The following SLC7A6 variants were observed in gnomAD, a reference collection of about 807,000 sequenced individuals.
The protein encoded by SLC7A6 is solute carrier family 7 member 6.
In SLC7A6, 29 loss-of-function variants were observed where a neutral mutation model predicts 46.6. The observed-to-expected ratio is 0.62, with a 90% confidence interval of 0.46 to 0.85. SLC7A6 has a LOEUF of 0.85. Ranked by LOEUF, SLC7A6 falls within the 40% of genes least tolerant of loss-of-function variation. SLC7A6 has a pLI of 0.00. For synonymous variants in SLC7A6, 276 were observed against 257.3 expected (o/e 1.07, Z -0.70); for missense variants, 527 against 647.6 (o/e 0.81, Z 2.02).
rs140250756 is a variant in SLC7A6, at chr16:68,275,155, C to T, written c.429C>T (p.Ile143=). The T allele has an allele frequency of 2.5e-4, 399 of 1,614,094 alleles. No homozygotes were observed. Among genetic ancestry groups the T allele is most frequent in the Non-Finnish European group, 3.1e-4 (366 of 1,180,024 alleles). The part of the protein sequence containing the change: ...LVVEPTGQAI[I]AITFANYIIQ... The stretch of plus-strand genomic sequence containing the variant: ...TTGAGCCCACCGGTCAGGCCATCAT[C>T]GCCATCACCTTTGCCAACTACATCA... Residue 143 remains isoleucine (I), a synonymous_variant, in exon 3 of 11, where the codon ATC becomes ATT. Coordinates refer to ENST00000219343, the MANE Select transcript of SLC7A6 (RefSeq NM_003983.6).
chr16:68,293,298 CTTGTAG>C (rs1330006825), intron 7 of SLC7A6, among the ~76,000 whole-genome samples: 3 of 152,178 alleles, frequency 2.0e-5, no homozygotes, highest in Admixed American at 1.3e-4. Context: ...GTGGCACGTG[CTTGTAG>C]TCCCAGCCGC....
chr16:68,291,032 G>C (rs1030760497), intron 5 of SLC7A6, 177 bp from the exon 6 acceptor site: 1 of 706,716 alleles, frequency 1.4e-6, no homozygotes, highest in African/African-American at 1.8e-5. Flanking sequence ...TCTTCACAGA[G>C]AAAGTTGGGT....
At chr16:68,291,445 C>T (rs1354435626) in intron 6 of SLC7A6, 113 bp downstream of exon 6, 1 of 1,579,070 alleles carries the variant, frequency 6.3e-7, no homozygotes, top group Non-Finnish European at 8.7e-7. Context: ...GGTCATGAGT[C>T]TAGGCCAGAG....
intron 3 of SLC7A6, among the ~76,000 whole-genome samples, chr16:68,281,493 ACT>A (rs1228206142): frequency 2.6e-5 from 4 of 151,974 alleles, no homozygotes; most frequent in South Asian, 2.1e-4. Context: ...AGGTTGAGAA[ACT>A]CTGTCTTAAG....
rs1181854456 is a variant in SLC7A6, at chr16:68,275,136, C to A, written c.410C>A (p.Pro137His). 1 of 1,613,992 alleles carries A rather than the reference C, an allele frequency of 6.2e-7. No individual in the cohort carries two copies. Among genetic ancestry groups the A allele is most frequent in the Non-Finnish European group, 8.5e-7 (1 of 1,180,044 alleles). ...TGGGTCTCACTGCTAGTTGTTGAGC[C>A]CACCGGTCAGGCCATCATCGCCATC... ...RLWVSLLVVE[P>H]TGQAIIAITF... is the part of the protein sequence containing the mutation. Residue 137 changes from proline (P) to histidine (H), a missense_variant, in exon 3 of 11, where the codon CCC becomes CAC. Physicochemically the swap from Pro to His is moderately conservative, Grantham distance 77. Coordinates refer to ENST00000219343, the MANE Select transcript of SLC7A6 (RefSeq NM_003983.6).
rs141038680 is a variant in SLC7A6, at chr16:68,294,451, G to A, written c.1023-254G>A. 6.2e-4 allele frequency among the ~76,000 whole-genome samples: 95 copies of A among 152,214 alleles called. No homozygotes were observed. In the East Asian group the frequency reaches 0.017, roughly 28 times the overall value. On this transcript the variant is annotated intron_variant, in intron 7 of 10. Transcript: ENST00000219343. The stretch of plus-strand genomic sequence containing the variant: ...GAGGTATCTGTGGCTGAGAGAAGAG[G>A]GGGTATCTGGGTGATGGTGGGTGGG...
chr16:68,272,742 C>T (rs906533190), intron 2 of SLC7A6, among the ~76,000 whole-genome samples: 6 of 152,188 alleles, frequency 3.9e-5, no homozygotes, highest in African/African-American at 1.2e-4. Flanking sequence ...AATCCCTCCT[C>T]CCAGCTAGAG....
intron 4 of SLC7A6, 145 bp from the exon 5 acceptor site, chr16:68,290,251 C>A: frequency 1.4e-6 from 1 of 711,696 alleles, no homozygotes. Flanking sequence ...CTTTCTTGTT[C>A]CTCCCCATTC....
Position 68,300,574 on chromosome 16 carries a change from T to C in SLC7A6, c.*3246T>C, listed in dbSNP as rs2043252937. ...TTCTATTTCACTACCGCTCCCTGTT[T>C]TAGATATTCAGATTTAAAAGGTTTT... On this transcript the variant is annotated 3_prime_UTR_variant, in exon 11 of 11. Transcript: ENST00000219343. 1.0e-6 allele frequency: 1 copy of C among 967,234 alleles called. No homozygotes were observed. The allele number at this position is 967,234 out of a possible 1,614,324, so 59.9% of individuals were successfully genotyped here. A position where few individuals can be genotyped will look rare whatever the true frequency, so the allele number is the denominator to read the frequency against.
intron 3 of SLC7A6, among the ~76,000 whole-genome samples, chr16:68,286,147 C>T (rs1302839459): frequency 1.3e-5 from 2 of 149,920 alleles, no homozygotes; most frequent in Non-Finnish European, 3.0e-5. Flanking sequence ...TGATATACTG[C>T]TGTTACCTTC....
At chr16:68,284,699 C>T in intron 3 of SLC7A6, 1 of 971,140 alleles carries the variant, frequency 1.0e-6, no homozygotes, top group Non-Finnish European at 1.2e-6. Flanking sequence ...CTTGGAGCTG[C>T]AAACCAGAAG....
chr16:68,296,869 G>A (rs2043180387), intron 10 of SLC7A6, 59 bp downstream of exon 10: 13 of 1,569,294 alleles, frequency 8.3e-6, no homozygotes, highest in Admixed American at 1.8e-5. Flanking sequence ...GCATGCAGAG[G>A]TGGGGGGTGG....
At chr16:68,294,281 A>G (rs2043117577) in intron 7 of SLC7A6, among the ~76,000 whole-genome samples, 2 of 152,226 alleles carry the variant, frequency 1.3e-5, no homozygotes, top group Admixed American at 1.3e-4. Context: ...GTCTTGCCTT[A>G]CATCAGCTCA....
At chr16:68,271,953 C>T (rs1211863232) in intron 2 of SLC7A6, among the ~76,000 whole-genome samples, 1 of 152,138 alleles carries the variant, frequency 6.6e-6, no homozygotes, top group Non-Finnish European at 1.5e-5. Context: ...AAGTGCATGC[C>T]ACCACGCCCA....
chr16:68,275,393 C>T (rs868171553), intron 3 of SLC7A6, 144 bp downstream of exon 3: 43 of 961,442 alleles, frequency 4.5e-5, no homozygotes, highest in Non-Finnish European at 5.3e-5. Context: ...GTTGGGAGTT[C>T]GAGACCAGCC....
At chr16:68,269,033 A>C (rs1001977625) in intron 2 of SLC7A6, among the ~76,000 whole-genome samples, 5 of 152,026 alleles carry the variant, frequency 3.3e-5, no homozygotes, top group Admixed American at 2.0e-4. Flanking sequence ...AATACGTATT[A>C]AAAAATATTT....
At chr16:68,276,288 T>G (rs1476269512) in intron 3 of SLC7A6, among the ~76,000 whole-genome samples, 3 of 152,222 alleles carry the variant, frequency 2.0e-5, no homozygotes, top group African/African-American at 7.2e-5. Context: ...GAGAAAAGAT[T>G]GCTGTGAATT....
rs565528427 is a variant in SLC7A6, at chr16:68,290,970, G to C, written c.795-239G>C. ...AGATGCAGGAGGATTATGAAACCCAGTAGGACCCATTGGTCCTACTGTGGC... is the reference window on the plus strand; with the variant it reads ...AGATGCAGGAGGATTATGAAACCCACTAGGACCCATTGGTCCTACTGTGGC... On this transcript the variant is annotated intron_variant, in intron 5 of 10. Transcript: ENST00000219343. 1.6e-4 allele frequency: 89 copies of C among 540,004 alleles called. 1 individual carries two copies. In the Middle Eastern group the frequency reaches 4.6e-3, roughly 28 times the overall value. 33.5% of individuals were successfully genotyped at this position (540,004 alleles called of 1,614,324 possible).
rs767868194 is a variant in SLC7A6, at chr16:68,296,390, C to G, written c.1146C>G (p.Ile382Met). The G allele has an allele frequency of 1.4e-5, 23 of 1,614,036 alleles. No homozygotes were observed. In the South Asian group the frequency reaches 1.8e-4, roughly 12 times the overall value. The change falls in exon 9 of 11, where the codon ATC becomes ATG. Residue 382 changes from isoleucine (I) to methionine (M), a missense_variant. Ile to Met is a conservative substitution (Grantham distance 10, BLOSUM62 1). Coordinates refer to ENST00000219343, the MANE Select transcript of SLC7A6 (RefSeq NM_003983.6). Reference sequence around the variant, plus strand: ...GCACCATGGCACTCATCTACCTCATCGTGGAGGATGTTTTCCAGCTTATCA... The same window carrying G: ...GCACCATGGCACTCATCTACCTCATGGTGGAGGATGTTTTCCAGCTTATCA... ...FNCTMALIYL[I>M]VEDVFQLINY... is the part of the protein sequence containing the mutation.
Sources: gnomAD v4.1 joint callset for allele counts (sites outside exome capture counted in the v4.1 genomes callset) on GRCh38, gnomAD v4.1.1 for gene constraint, MANE v1.5 for transcripts, NCBI Gene and HGNC (gene_info 2026-07-23, HGNC 2026-07-21) for gene names.